Variants in ESRRG observed in about 807,000 individuals in gnomAD.
ESRRG encodes estrogen-related receptor gamma.
A neutral mutation model predicts 44.0 loss-of-function variants in ESRRG; 13 were observed. The ratio of observed to expected loss-of-function variants is 0.30; its 90% CI spans 0.19 to 0.47. The LOEUF (loss-of-function observed/expected upper bound fraction) is 0.47, where lower values mean the gene tolerates loss of function less well. ESRRG is among the 20% of genes least tolerant of loss of function. The pLI, the probability that ESRRG is intolerant of heterozygous loss-of-function variation, is 1.00. For synonymous variants in ESRRG, 215 were observed against 214.6 expected (o/e 1.00, Z -0.02); for missense variants, 395 against 580.6 (o/e 0.68, Z 3.29).
chr1:216,981,445 AC>A (rs1421044671), intron 1 of ESRRG, among the ~76,000 whole-genome samples: 3 of 152,058 alleles, frequency 2.0e-5, no homozygotes, highest in African/African-American at 7.2e-5. Flanking sequence ...CAATAATGGT[AC>A]CCTATTTCAT....
chr1:216,548,088 G>T (rs2055116443), intron 5 of ESRRG, among the ~76,000 whole-genome samples: 1 of 152,010 alleles, frequency 6.6e-6, no homozygotes, highest in African/African-American at 2.4e-5. Context: ...CATCGGTTTT[G>T]CAGAAAGAAA....
chr1:217,130,334 G>A (rs2102532718), intron 1 of ESRRG, among the ~76,000 whole-genome samples: 1 of 152,316 alleles, frequency 6.6e-6, no homozygotes, highest in Non-Finnish European at 1.5e-5. Context: ...TGGAGCTCAA[G>A]CTATCTTCCT....
intron 3 of ESRRG, among the ~76,000 whole-genome samples, chr1:216,631,247 G>A (rs1004182627): frequency 2.0e-5 from 3 of 152,150 alleles, no homozygotes; most frequent in African/African-American, 7.2e-5. Context: ...ATAGTCACAG[G>A]AAGTTGCTAC....
chr1:216,685,389 C>T (rs1461170143), intron 1 of ESRRG, among the ~76,000 whole-genome samples: 1 of 152,206 alleles, frequency 6.6e-6, no homozygotes, highest in East Asian at 1.9e-4. Context: ...AAGCAATAGT[C>T]TCCTACTTCT....
chr1:216,518,042 G>C (rs11572824), intron 6 of ESRRG, among the ~76,000 whole-genome samples: 3 of 152,024 alleles, frequency 2.0e-5, no homozygotes, highest in Non-Finnish European at 4.4e-5. Flanking sequence ...ACAGTCACGC[G>C]TCCCTGGCTC....
intron 2 of ESRRG, among the ~76,000 whole-genome samples, chr1:216,881,307 G>T (rs1411179807): frequency 6.6e-6 from 1 of 152,170 alleles, no homozygotes; most frequent in East Asian, 1.9e-4. Context: ...TTGGTAGCTT[G>T]TCAAATATAG....
At chr1:216,972,076 T>A (rs1249227279) in intron 1 of ESRRG, among the ~76,000 whole-genome samples, 1 of 152,184 alleles carries the variant, frequency 6.6e-6, no homozygotes, top group Non-Finnish European at 1.5e-5. Flanking sequence ...CTATTTATAT[T>A]TTTTTCCATT....
intron 2 of ESRRG, among the ~76,000 whole-genome samples, chr1:216,780,632 C>A (rs2093898658): frequency 6.6e-6 from 1 of 151,902 alleles, no homozygotes; most frequent in Non-Finnish European, 1.5e-5. Flanking sequence ...GGCTCTGTGC[C>A]TTTGGTTCCA....
Position 216,833,909 on chromosome 1 carries a change from T to C in ESRRG, c.-14+105673A>G, listed in dbSNP as rs189128603. 1.2e-3 allele frequency among the ~76,000 whole-genome samples: 179 copies of C among 152,274 alleles called. 1 individual carries two copies. The highest frequency in any genetic ancestry group is 2.1e-3 in the Non-Finnish European group (145 of 68,018). On this transcript the variant is annotated intron_variant, in intron 2 of 7. Transcript: ENST00000359162. ...CCCCAACTGTCACTTATGGAGTTAT[T>C]CCCTATGCAATGGCATTTAGAGTGC... is the stretch of plus-strand genomic sequence containing the variant.
chr1:217,061,493 A>G (rs1029517842), intron 1 of ESRRG, among the ~76,000 whole-genome samples: 1 of 152,124 alleles, frequency 6.6e-6, no homozygotes, highest in African/African-American at 2.4e-5. Flanking sequence ...ACACTTAAAT[A>G]TGGAATAAAA....
At position 217,133,637 on chromosome 1, in the gene ESRRG, C is replaced by T. The variant is rs143893105; in HGVS notation, c.-230+4030G>A. The stretch of plus-strand genomic sequence containing the variant: ...TCTTTCTTTCTTTCTTTCTTTCTCT[C>T]TCTCTCTCTCTTTCTTTCTTTCTTT... On this transcript the variant is annotated intron_variant, in intron 1 of 8. Coordinates refer to the ESRRG transcript ENST00000366940. Among the ~76,000 whole-genome samples the T allele has an allele frequency of 9.7e-3, 391 of 40,228 alleles. 3 individuals carry two copies. The highest frequency in any genetic ancestry group is 0.029 in the African/African-American group (277 of 9,466). The allele number at this position is 40,228 out of a possible 152,430, so 26.4% of individuals were successfully genotyped here. A position where few individuals can be genotyped will look rare whatever the true frequency, so the allele number is the denominator to read the frequency against.
chr1:217,096,809 T>C (rs1240425531), intron 1 of ESRRG, among the ~76,000 whole-genome samples: 1 of 152,204 alleles, frequency 6.6e-6, no homozygotes, highest in Non-Finnish European at 1.5e-5. Context: ...AAAGATGTTT[T>C]AGTTATTTTT....
chr1:216,961,214 G>T (rs577235606), intron 1 of ESRRG, among the ~76,000 whole-genome samples: 1 of 152,122 alleles, frequency 6.6e-6, no homozygotes, highest in South Asian at 2.1e-4. Flanking sequence ...CTGATTAAAC[G>T]TTAAAGAAAC....
chr1:216,693,915 T>G (rs1360171252), intron 1 of ESRRG, among the ~76,000 whole-genome samples: 1 of 152,232 alleles, frequency 6.6e-6, no homozygotes, highest in African/African-American at 2.4e-5. Flanking sequence ...AGTTGTGGAC[T>G]TTAAATGTTG....
In ESRRG at chr1:216,550,103, C is replaced by T. The variant is rs548507306; in HGVS notation, c.862+14116G>A. 8.5e-5 allele frequency among the ~76,000 whole-genome samples: 13 copies of T among 152,188 alleles called. No homozygotes were observed. The South Asian group carries it at 2.3e-3, about 27-fold the overall frequency. ...GCTTGTCTGTGAACTTTGCATGAAC[C>T]GCTAGGAATAATGTAGTGTGATGAC... On this transcript the variant is annotated intron_variant, in intron 5 of 6. Coordinates refer to ENST00000408911, the MANE Select transcript of ESRRG (RefSeq NM_001438.4).
At chr1:217,036,610 T>C (rs1428465498) in intron 1 of ESRRG, among the ~76,000 whole-genome samples, 1 of 152,004 alleles carries the variant, frequency 6.6e-6, no homozygotes, top group Non-Finnish European at 1.5e-5. Context: ...GGGAGCTAAA[T>C]GATTAGAACA....
intron 1 of ESRRG, among the ~76,000 whole-genome samples, chr1:216,954,001 A>G (rs1214890888): frequency 6.6e-6 from 1 of 152,124 alleles, no homozygotes; most frequent in Non-Finnish European, 1.5e-5. Context: ...ACTTTATATT[A>G]CTATCATTAC....
chr1:217,023,125 A>G lies in ESRRG; in HGVS notation c.-106+66382T>C, dbSNP rs147398254. Among the ~76,000 whole-genome samples the G allele has an allele frequency of 7.6e-3, 1,162 of 152,278 alleles. 14 individuals carry two copies. The highest frequency in any genetic ancestry group is 0.027 in the African/African-American group (1,113 of 41,560). On this transcript the variant is annotated intron_variant, in intron 1 of 7. Coordinates refer to the ESRRG transcript ENST00000359162. Reference sequence around the variant, plus strand: ...GAAAAGAAGCTAATGCAATATATTAATTTAATGCATGTACTATCAAAATGT... The same window carrying G: ...GAAAAGAAGCTAATGCAATATATTAGTTTAATGCATGTACTATCAAAATGT...
intron 2 of ESRRG, among the ~76,000 whole-genome samples, chr1:216,860,506 G>A (rs1460655393): frequency 6.6e-6 from 1 of 152,032 alleles, no homozygotes; most frequent in Non-Finnish European, 1.5e-5. Context: ...AAAGTAGCCA[G>A]AGACAGAAGA....
Sources: allele counts gnomAD v4.1 joint callset (sites outside exome capture counted in the v4.1 genomes callset), GRCh38; gene constraint gnomAD v4.1.1; transcripts MANE v1.5; gene names NCBI Gene and HGNC (gene_info 2026-07-23, HGNC 2026-07-21).